The following TIAM1 variants were observed in gnomAD, a reference collection of about 807,000 sequenced individuals.
The protein encoded by TIAM1 is rho guanine nucleotide exchange factor TIAM1.
Under a neutral mutation model 163.5 loss-of-function variants are expected in TIAM1, and 65 were observed. That is an observed-to-expected ratio of 0.40 (90% CI 0.33 to 0.49). The LOEUF is 0.49. Ranked by LOEUF, TIAM1 falls within the 20% of genes least tolerant of loss-of-function variation. The pLI, the probability that TIAM1 is intolerant of heterozygous loss-of-function variation, is 0.77. For synonymous variants in TIAM1, 833 were observed against 810.1 expected (o/e 1.03, Z -0.48); for missense variants, 1,789 against 2,044.7 (o/e 0.87, Z 2.41).
chr21:31,128,287 C>T (rs1467869895), intron 25 of TIAM1, among the ~76,000 whole-genome samples: 1 of 152,176 alleles, frequency 6.6e-6, no homozygotes, highest in African/African-American at 2.4e-5. Context: ...GAGTGGATTT[C>T]ATAATGAAAG....
intron 2 of TIAM1, among the ~76,000 whole-genome samples, chr21:31,454,897 T>C (rs1001994480): frequency 6.6e-6 from 1 of 152,084 alleles, no homozygotes; most frequent in Non-Finnish European, 1.5e-5. Flanking sequence ...TAAGCCCAGA[T>C]TTTGGTTTCT....
chr21:31,230,817 C>A (rs7280920), intron 6 of TIAM1, among the ~76,000 whole-genome samples: 11 of 152,032 alleles, frequency 7.2e-5, no homozygotes, highest in African/African-American at 2.2e-4. Context: ...TACAGGCGTA[C>A]ACCACCAAGC....
At chr21:31,222,691 ATATATATATATATATATTTTTTT>A (rs2075506281) in intron 8 of TIAM1, among the ~76,000 whole-genome samples, 2 of 31,596 alleles carry the variant, frequency 6.3e-5, no homozygotes, top group African/African-American at 1.8e-4. Flanking sequence ...ATATATATAT[ATATATATATATATATATTTTTTT>A]TTTTTTTTTT....
chr21:31,341,900 G>A (rs1372148903), intron 1 of TIAM1, among the ~76,000 whole-genome samples: 1 of 152,034 alleles, frequency 6.6e-6, no homozygotes, highest in African/African-American at 2.4e-5. Context: ...ATCAAAAATC[G>A]AAGTTGGTTC....
At chr21:31,316,327 G>A (rs941348761) in intron 2 of TIAM1, among the ~76,000 whole-genome samples, 40 of 152,072 alleles carry the variant, frequency 2.6e-4, no homozygotes, top group African/African-American at 8.5e-4. Flanking sequence ...ATCACTGCTT[G>A]TTCCCAATTA....
chr21:31,404,718 G>A (rs2077219553), intron 2 of TIAM1, among the ~76,000 whole-genome samples: 1 of 152,004 alleles, frequency 6.6e-6, no homozygotes, highest in Non-Finnish European at 1.5e-5. Flanking sequence ...TCAATTTCCT[G>A]GTTTTGATAA....
chr21:31,368,946 A>C (rs1344840919), intron 2 of TIAM1, among the ~76,000 whole-genome samples: 1 of 152,212 alleles, frequency 6.6e-6, no homozygotes, highest in African/African-American at 2.4e-5. Flanking sequence ...GAGAAGAAAG[A>C]AAGGGATGAT....
chr21:31,198,227 G>A (rs917232447), intron 12 of TIAM1, among the ~76,000 whole-genome samples: 1 of 152,168 alleles, frequency 6.6e-6, no homozygotes, highest in African/African-American at 2.4e-5. Flanking sequence ...GAAAAGAGTG[G>A]CCAGTTTCTT....
intron 12 of TIAM1, among the ~76,000 whole-genome samples, chr21:31,198,870 A>C (rs937945732): frequency 2.0e-5 from 3 of 152,240 alleles, no homozygotes; most frequent in Non-Finnish European, 2.9e-5. Flanking sequence ...GCTGGCCACA[A>C]CATCCTTAGG....
intron 15 of TIAM1, among the ~76,000 whole-genome samples, chr21:31,178,700 C>A (rs1476534509): frequency 6.6e-6 from 1 of 152,126 alleles, no homozygotes; most frequent in Non-Finnish European, 1.5e-5. Flanking sequence ...TACTTCCATG[C>A]TTTATTCCTG....
At chr21:31,350,354 G>T (rs929594690) in intron 2 of TIAM1, among the ~76,000 whole-genome samples, 2 of 152,050 alleles carry the variant, frequency 1.3e-5, no homozygotes, top group Non-Finnish European at 2.9e-5. Context: ...AAAATTTTGG[G>T]GGGCCAAAAC....
chr21:31,197,975 T>C (rs566851701), intron 12 of TIAM1, among the ~76,000 whole-genome samples: 7 of 152,238 alleles, frequency 4.6e-5, no homozygotes, highest in African/African-American at 1.7e-4. Context: ...CCCTCTTAGG[T>C]CAGTCAAAGG....
chr21:31,385,940 AT>A (rs1408654923), intron 2 of TIAM1, among the ~76,000 whole-genome samples: 2 of 147,394 alleles, frequency 1.4e-5, no homozygotes, highest in Non-Finnish European at 3.0e-5. Context: ...TATTAATGTT[AT>A]TTATACTGGT....
At chr21:31,123,748 T>G (rs2082083186) in intron 27 of TIAM1, among the ~76,000 whole-genome samples, 1 of 152,200 alleles carries the variant, frequency 6.6e-6, no homozygotes, top group Non-Finnish European at 1.5e-5. Context: ...AAGAAAGGTT[T>G]GATAAAAATG....
chr21:31,352,489 T>C (rs899495013), intron 2 of TIAM1, among the ~76,000 whole-genome samples: 107 of 149,710 alleles, frequency 7.1e-4, no homozygotes, highest in African/African-American at 2.6e-3. Context: ...CCACAACTTT[T>C]AAAAAAGATT....
chr21:31,420,085 C>T (rs946884308), intron 2 of TIAM1, among the ~76,000 whole-genome samples: 1 of 152,076 alleles, frequency 6.6e-6, no homozygotes, highest in African/African-American at 2.4e-5. Context: ...AACTATATAA[C>T]ATCCTTATAA....
At chr21:31,367,263 A>G (rs1316678314) in intron 2 of TIAM1, among the ~76,000 whole-genome samples, 1 of 152,140 alleles carries the variant, frequency 6.6e-6, no homozygotes, top group East Asian at 1.9e-4. Flanking sequence ...TGCAAGCCCT[A>G]TGAACAGCAA....
At chr21:31,172,720 G>C (rs1453957305) in intron 15 of TIAM1, among the ~76,000 whole-genome samples, 8 of 152,112 alleles carry the variant, frequency 5.3e-5, no homozygotes, top group African/African-American at 1.9e-4. Flanking sequence ...AGCTGCTATA[G>C]AGCCCGGCGC....
intron 2 of TIAM1, among the ~76,000 whole-genome samples, chr21:31,296,140 A>G (rs1244032710): frequency 6.6e-6 from 1 of 152,198 alleles, no homozygotes; most frequent in Admixed American, 6.5e-5. Flanking sequence ...TATTCAGGAA[A>G]ATAGTATGAT....
Sources: allele counts gnomAD v4.1 joint callset (sites outside exome capture counted in the v4.1 genomes callset), GRCh38; gene constraint gnomAD v4.1.1; transcripts MANE v1.5; gene names NCBI Gene and HGNC (gene_info 2026-07-23, HGNC 2026-07-21).